The following CHKA variants were observed in gnomAD, a reference collection of about 807,000 sequenced individuals.
CHKA encodes the protein choline kinase alpha.
A neutral mutation model predicts 60.1 loss-of-function variants in CHKA; 34 were observed. The ratio of observed to expected loss-of-function variants is 0.57; its 90% CI spans 0.43 to 0.75. The LOEUF is 0.75. Among genes scored for constraint, CHKA ranks in the 30% least tolerant of loss-of-function variants. The probability of loss-of-function intolerance (pLI) is 0.00; values close to 1 mark genes in which losing one functional copy is unlikely to be tolerated. For synonymous variants in CHKA, 217 were observed against 223.1 expected, an observed-to-expected ratio of 0.97 and a Z score of 0.24; for missense variants, 563 against 561.3, an observed-to-expected ratio of 1.00 and a Z score of -0.03.
Position 68,065,780 on chromosome 11 carries a change from T to A in CHKA, c.1125+6A>T. 4 of 1,574,044 alleles carry A rather than the reference T, an allele frequency of 2.5e-6. No individual in the cohort carries two copies. The highest frequency in any genetic ancestry group is 3.5e-6 in the Non-Finnish European group (4 of 1,145,438). ...CCTATCAAGTATACAAAAACTCATC[T>A]CCTACCTGTTGTTTCTTGGTGGGAT... On this transcript the variant is annotated splice_donor_region_variant and intron_variant, in intron 9 of 11. Coordinates refer to ENST00000265689, the MANE Select transcript of CHKA (RefSeq NM_001277.3).
rs188409363 is a variant in CHKA at position 68,063,156 on chromosome 11, A to G, written c.1233-1122T>C. Among the ~76,000 whole-genome samples the G allele has an allele frequency of 3.5e-4, 54 of 152,316 alleles. 1 individual carries two copies. The East Asian group carries it at 9.1e-3, about 26-fold the overall frequency. Reference sequence around the variant, plus strand: ...TTTAATCATTTTCTAGGAGAAACTTAAGAGTTAAAACACAGCATATGGTGG... The same window carrying G: ...TTTAATCATTTTCTAGGAGAAACTTGAGAGTTAAAACACAGCATATGGTGG... On this transcript the variant is annotated intron_variant, in intron 10 of 11. Coordinates refer to ENST00000265689, the MANE Select transcript of CHKA (RefSeq NM_001277.3).
At chr11:68,101,363 T>C (rs534553027) in intron 1 of CHKA, among the ~76,000 whole-genome samples, 3 of 152,068 alleles carry the variant, frequency 2.0e-5, no homozygotes, top group African/African-American at 7.2e-5. Flanking sequence ...AAATTGGAAA[T>C]GAAGTTAAAT....
At chr11:68,081,679 G>A in intron 2 of CHKA, 1 of 475,606 alleles carries the variant, frequency 2.1e-6, no homozygotes, top group Non-Finnish European at 3.8e-6. Flanking sequence ...GAAAAGGGAT[G>A]TGCCGGTGAG....
chr11:68,117,427 G>A (rs1448932146), intron 1 of CHKA, among the ~76,000 whole-genome samples: 2 of 152,174 alleles, frequency 1.3e-5, no homozygotes. Context: ...AGTGGCTAAC[G>A]CCTGTAATCC....
At chr11:68,083,357 A>G (rs1857047262) in intron 2 of CHKA, among the ~76,000 whole-genome samples, 1 of 152,194 alleles carries the variant, frequency 6.6e-6, no homozygotes, top group Non-Finnish European at 1.5e-5. Context: ...TTCTCCAAAG[A>G]AACTTAAGAA....
Position 68,053,092 on chromosome 11 carries a change from G to A in CHKA, c.*896C>T, listed in dbSNP as rs1215033717. The A allele has an allele frequency of 1.3e-5, 2 of 152,492 alleles. No homozygotes were observed. Among genetic ancestry groups the A allele is most frequent in the Non-Finnish European group, 2.9e-5 (2 of 68,080 alleles). The allele number at this position is 152,492 out of a possible 1,614,324, so 9.4% of individuals were successfully genotyped here. On this transcript the variant is annotated 3_prime_UTR_variant, in exon 12 of 12. Transcript: ENST00000265689. ...GTCAGGGGCATCAGGAAAGGTAAGG[G>A]CCGGGAAACCGGGCCCTTGGAGAAC...
chr11:68,094,295 A>G (rs78361815), intron 2 of CHKA, among the ~76,000 whole-genome samples: 5,652 of 152,280 alleles, frequency 0.037, 148 homozygotes, highest in Non-Finnish European at 0.055. Context: ...TAATCCTAGC[A>G]TTTTGAGAGG....
chr11:68,076,959 C>T (rs909001548), intron 3 of CHKA, among the ~76,000 whole-genome samples: 2 of 152,014 alleles, frequency 1.3e-5, no homozygotes, highest in Non-Finnish European at 2.9e-5. Flanking sequence ...AAAATGAGGC[C>T]GGGTGCGGTG....
rs1856591087 is a variant in CHKA, at chr11:68,070,788, T to C, written c.700A>G (p.Thr234Ala). The C allele has an allele frequency of 1.2e-6, 2 of 1,613,090 alleles. No individual in the cohort carries two copies. Among genetic ancestry groups the C allele is most frequent in the South Asian group, 1.1e-5 (1 of 91,062 alleles). The change falls in exon 5 of 12, where the codon ACA (threonine) becomes GCA (alanine). Residue 234 changes from threonine to alanine, a missense_variant. Transcript: ENST00000265689. ...AATGGCATTTTCATACCATGAAATG[T>C]AGCCATTTTCTCGGCGATTTCTGCA... ...ISAEIAEKMA[T>A]FHGMKMPFNK...
At position 68,068,938 on chromosome 11, in the gene CHKA, C is replaced by G; in HGVS notation, c.870-1G>C. On this transcript the variant is annotated splice_acceptor_variant, in intron 6 of 11. Coordinates refer to ENST00000265689, the MANE Select transcript of CHKA (RefSeq NM_001277.3). LOFTEE classifies it high-confidence loss of function. ...AGATGGAGTAGATTCAAGCAATGAT[C>G]TGAAAAGAAAGGTTTCACTGTTACC... The G allele has an allele frequency of 6.2e-7, 1 of 1,610,994 alleles. No individual in the cohort carries two copies. The highest frequency in any genetic ancestry group is 1.1e-5 in the South Asian group (1 of 90,972).
At chr11:68,075,679 T>C (rs1321667542) in intron 3 of CHKA, among the ~76,000 whole-genome samples, 1 of 152,084 alleles carries the variant, frequency 6.6e-6, no homozygotes, top group Non-Finnish European at 1.5e-5. Context: ...CTCATGCCTG[T>C]AATCCCAACA....
rs1473058971 is a variant in CHKA at position 68,052,964 on chromosome 11, A to G, written c.*1024T>C. 1 of 152,626 alleles carries G rather than the reference A, an allele frequency of 6.6e-6. No homozygotes were observed. The highest frequency in any genetic ancestry group is 2.4e-5 in the African/African-American group (1 of 41,462). 9.5% of individuals were successfully genotyped at this position (152,626 alleles called of 1,614,324 possible). A position where few individuals can be genotyped will look rare whatever the true frequency, so the allele number is the denominator to read the frequency against. ...GTTCAGAGTAAAAAAAAGTCAGCTA[A>G]GACTGTATCCCGCAGGACATTTCAT... On this transcript the variant is annotated 3_prime_UTR_variant, in exon 12 of 12. Transcript: ENST00000265689.
At chr11:68,055,883 TAA>T (rs60275931) in intron 11 of CHKA, among the ~76,000 whole-genome samples, 9 of 140,378 alleles carry the variant, frequency 6.4e-5, no homozygotes, top group African/African-American at 1.3e-4. Flanking sequence ...CGTCTCTACT[TAA>T]AAAAAAAAAA....
At chr11:68,078,113 A>C (rs1218930985) in intron 3 of CHKA, among the ~76,000 whole-genome samples, 1 of 152,162 alleles carries the variant, frequency 6.6e-6, no homozygotes, top group Non-Finnish European at 1.5e-5. Context: ...TGTGACTGTC[A>C]CCACAGTAAG....
intron 11 of CHKA, among the ~76,000 whole-genome samples, chr11:68,061,311 G>T (rs376795695): frequency 1.3e-5 from 2 of 151,822 alleles, no homozygotes; most frequent in East Asian, 3.9e-4. Context: ...TCCCCACGTT[G>T]GCCAGGATGG....
In CHKA at chr11:68,121,307, G is replaced by C. The variant is rs1858642914; in HGVS notation, c.-130C>G. The stretch of plus-strand genomic sequence containing the variant: ...GGGCAGGGGGCCGCGGCGGTTGGGC[G>C]CGCGGGGCGGCGGCGGCGGCTGCGG... On this transcript the variant is annotated 5_prime_UTR_variant, in exon 1 of 12. Coordinates refer to ENST00000265689, the MANE Select transcript of CHKA (RefSeq NM_001277.3). 2 of 658,238 alleles carry C rather than the reference G, an allele frequency of 3.0e-6. No homozygotes were observed. The highest frequency in any genetic ancestry group is 4.1e-5 in the African/African-American group (2 of 49,346). 40.8% of individuals were successfully genotyped at this position (658,238 alleles called of 1,614,324 possible).
At chr11:68,085,239 T>C (rs1857143268) in intron 2 of CHKA, among the ~76,000 whole-genome samples, 1 of 152,144 alleles carries the variant, frequency 6.6e-6, no homozygotes, top group Non-Finnish European at 1.5e-5. Flanking sequence ...AAAAAAAAAT[T>C]TGGAGACTGG....
chr11:68,091,739 T>C (rs1368227850), intron 2 of CHKA, among the ~76,000 whole-genome samples: 2 of 152,174 alleles, frequency 1.3e-5, no homozygotes, highest in Non-Finnish European at 2.9e-5. Flanking sequence ...CATCTTATAA[T>C]GCCAAGATGA....
chr11:68,101,836 A>C (rs1428482251), intron 1 of CHKA, among the ~76,000 whole-genome samples: 1 of 152,176 alleles, frequency 6.6e-6, no homozygotes, highest in Non-Finnish European at 1.5e-5. Context: ...CGCGTGGCTG[A>C]CGCCTGTAAT....
Sources: allele counts gnomAD v4.1 joint callset (sites outside exome capture counted in the v4.1 genomes callset), GRCh38; gene constraint gnomAD v4.1.1; transcripts MANE v1.5; gene names NCBI Gene and HGNC (gene_info 2026-07-23, HGNC 2026-07-21).